The following TTC34 variants were observed in gnomAD, a reference collection of about 807,000 sequenced individuals.
TTC34 encodes the protein tetratricopeptide repeat protein 34.
TTC34 carries 44 observed loss-of-function variants against 40.7 expected under a neutral mutation model. That is an observed-to-expected ratio of 1.08 (90% confidence interval 0.85 to 1.39). TTC34 has a LOEUF of 1.39. TTC34 is among the 40% of genes most tolerant of loss of function. The probability of loss-of-function intolerance (pLI) is 0.00; values close to 1 mark genes in which losing one functional copy is unlikely to be tolerated. For synonymous variants in TTC34, 422 were observed against 398.6 expected (o/e 1.06, Z -0.70); for missense variants, 884 against 838.0 (o/e 1.05, Z -0.68).
chr1:2,693,171 G>A (rs1156890002), intron 6 of TTC34, among the ~76,000 whole-genome samples: 5 of 96,048 alleles, frequency 5.2e-5, no homozygotes, highest in African/African-American at 8.9e-5. Flanking sequence ...TGACAGCCTG[G>A]GTCCGCACCC....
exon 9 of TTC34, chr1:2,638,023 T>C (rs1281755386): frequency 6.6e-6 from 1 of 152,174 alleles, no homozygotes; most frequent in East Asian, 1.9e-4. Flanking sequence ...AAGCAGCTTG[T>C]CCTCCAAGAT....
chr1:2,767,390 C>A (rs1641799822), intron 6 of TTC34, among the ~76,000 whole-genome samples: 2 of 136,476 alleles, frequency 1.5e-5, no homozygotes, highest in African/African-American at 5.5e-5. Context: ...CAGCCTGGAG[C>A]AGCACCCACA....
At chr1:2,750,247 C>G (rs1641270852) in intron 6 of TTC34, among the ~76,000 whole-genome samples, 1 of 146,414 alleles carries the variant, frequency 6.8e-6, no homozygotes, top group Non-Finnish European at 1.5e-5. Flanking sequence ...CCCACACCCA[C>G]AGGTGGGCAT....
In TTC34 at chr1:2,687,173, G is replaced by A. The variant is rs1284135858; in HGVS notation, c.2227-41610C>T. Among the ~76,000 whole-genome samples, 4 of 143,538 alleles carry A rather than the reference G, an allele frequency of 2.8e-5. 1 individual carries two copies. Among genetic ancestry groups the A allele is most frequent in the African/African-American group, 1.2e-4 (4 of 34,406 alleles). The allele number at this position is 143,538 out of a possible 152,430, so 94.2% of individuals were successfully genotyped here. On this transcript the variant is annotated intron_variant, in intron 6 of 8. Transcript: ENST00000401095. ...TGGAACAGTACCCACACACACAGGC[G>A]AGCATCTGAACCCACGGAGCAGCAC...
chr1:2,677,905 T>A (rs1177032936), intron 6 of TTC34, among the ~76,000 whole-genome samples: 1 of 35,606 alleles, frequency 2.8e-5, no homozygotes, highest in Non-Finnish European at 4.6e-5. Context: ...CAGGCGAGCA[T>A]CTGACAGCCT....
chr1:2,782,752 T>A (rs868680575), intron 6 of TTC34, among the ~76,000 whole-genome samples: 31 of 152,328 alleles, frequency 2.0e-4, no homozygotes, highest in African/African-American at 6.3e-4. Context: ...CCATTGGTTG[T>A]TTAGCTCCCT....
intron 6 of TTC34, among the ~76,000 whole-genome samples, chr1:2,777,699 G>GGA (rs1643315292): frequency 6.6e-6 from 1 of 150,588 alleles, no homozygotes. Flanking sequence ...GGGGGGGGGG[G>GGA]CGCAGCATCA....
At chr1:2,693,632 G>A (rs537923864) in intron 6 of TTC34, among the ~76,000 whole-genome samples, 4 of 62,676 alleles carry the variant, frequency 6.4e-5, no homozygotes, top group Non-Finnish European at 1.4e-4. Flanking sequence ...CACACCCCCA[G>A]GCGAGCATCT....
chr1:2,650,214 A>G (rs1457615350), intron 6 of TTC34, among the ~76,000 whole-genome samples: 1 of 143,966 alleles, frequency 6.9e-6, no homozygotes, highest in African/African-American at 2.5e-5. Context: ...GGCACTCTAC[A>G]CCCTCAGGTG....
At chr1:2,693,919 C>A (rs1487194228) in intron 6 of TTC34, among the ~76,000 whole-genome samples, 25 of 55,572 alleles carry the variant, frequency 4.5e-4, no homozygotes, top group Admixed American at 7.8e-4. Context: ...CCAGCTGAGC[C>A]TGTGACAGCC....
At chr1:2,652,389 T>G (rs1357874723) in intron 6 of TTC34, among the ~76,000 whole-genome samples, 1 of 4,700 alleles carries the variant, frequency 2.1e-4, no homozygotes, top group African/African-American at 1.6e-3. Flanking sequence ...TCTGACAGCC[T>G]GGAGCAGCAC....
chr1:2,698,541 TCGGG>T (rs1640973845), intron 6 of TTC34, among the ~76,000 whole-genome samples: 7 of 122,422 alleles, frequency 5.7e-5, no homozygotes, highest in Non-Finnish European at 6.9e-5. Context: ...CAGGTGAGCA[TCGGG>T]CAGCCTGGAG....
chr1:2,793,747 C>T (rs1031150875), intron 2 of TTC34, among the ~76,000 whole-genome samples: 9 of 152,124 alleles, frequency 5.9e-5, no homozygotes, highest in African/African-American at 2.2e-4. Context: ...GACGTGGGTC[C>T]ACTTCTGAGC....
At chr1:2,683,274 C>T (rs1377005692) in intron 6 of TTC34, among the ~76,000 whole-genome samples, 1 of 151,618 alleles carries the variant, frequency 6.6e-6, no homozygotes, top group Non-Finnish European at 1.5e-5. Context: ...CCCACACCCA[C>T]AGGTGAGCAT....
intron 6 of TTC34, among the ~76,000 whole-genome samples, chr1:2,684,400 A>C (rs200774614): frequency 2.0e-5 from 3 of 150,190 alleles, no homozygotes; most frequent in African/African-American, 5.0e-5. Context: ...CCACACCCCC[A>C]GGTGAGCATC....
At chr1:2,690,100 C>T (rs796183300) in intron 6 of TTC34, among the ~76,000 whole-genome samples, 66 of 142,068 alleles carry the variant, frequency 4.6e-4, no homozygotes, top group South Asian at 9.7e-4. Context: ...CACCCACACC[C>T]CCAGGTGAGT....
At chr1:2,654,040 G>A (rs1203458003) in intron 6 of TTC34, among the ~76,000 whole-genome samples, 1 of 151,952 alleles carries the variant, frequency 6.6e-6, no homozygotes, top group African/African-American at 2.4e-5. Context: ...GCCTGGAGCA[G>A]TGCCCACACC....
In TTC34 at chr1:2,700,019, G is replaced by A. The variant is rs1306096781; in HGVS notation, c.2227-54456C>T. Among the ~76,000 whole-genome samples the A allele has an allele frequency of 2.5e-5, 3 of 119,086 alleles. 1 individual carries two copies. The highest frequency in any genetic ancestry group is 9.0e-5 in the Admixed American group (1 of 11,102). The allele number at this position is 119,086 out of a possible 152,430, so 78.1% of individuals were successfully genotyped here. ...CCTGGAGCAGCGTCCACACCCCCAG[G>A]TGAGCATCTGATAGCCTGGAGCAGC... On this transcript the variant is annotated intron_variant, in intron 6 of 8. Transcript: ENST00000401095.
chr1:2,752,510 C>A (rs1351524032), intron 6 of TTC34, among the ~76,000 whole-genome samples: 35 of 6,352 alleles, frequency 5.5e-3, no homozygotes, highest in African/African-American at 0.014. Flanking sequence ...GAGCATCTGA[C>A]AGCCTGGAGC....
Sources: allele counts gnomAD v4.1 joint callset (sites outside exome capture counted in the v4.1 genomes callset), GRCh38; gene constraint gnomAD v4.1.1; transcripts MANE v1.5; gene names NCBI Gene and HGNC (gene_info 2026-07-23, HGNC 2026-07-21).